The following FER1L6 variants were observed in gnomAD, a reference collection of about 807,000 sequenced individuals.
FER1L6 encodes the protein fer-1-like protein 6.
Under a neutral mutation model 219.2 loss-of-function variants are expected in FER1L6, and 177 were observed. That is an observed-to-expected ratio of 0.81 (90% CI 0.71 to 0.91). The LOEUF (loss-of-function observed/expected upper bound fraction) is 0.91. FER1L6 is among the 40% of genes least tolerant of loss of function. The pLI is 0.00. For synonymous variants in FER1L6, 768 were observed against 824.3 expected (o/e 0.93, Z 1.17); for missense variants, 2,153 against 2,259.9 (o/e 0.95, Z 0.96).
intron 35 of FER1L6, among the ~76,000 whole-genome samples, chr8:124,096,045 G>C (rs1822269873): frequency 6.6e-6 from 1 of 152,124 alleles, no homozygotes; most frequent in Non-Finnish European, 1.5e-5. Flanking sequence ...GATTATAATG[G>C]GTCAGAAACA....
At chr8:124,113,975 A>C (rs762674699) in intron 39 of FER1L6, among the ~76,000 whole-genome samples, 15 of 152,214 alleles carry the variant, frequency 9.9e-5, no homozygotes, top group Non-Finnish European at 2.1e-4. Context: ...CCGTTAGCAA[A>C]GGGTAACGTG....
At chr8:123,973,593 C>T in intron 7 of FER1L6, 81 bp downstream of exon 7, 2 of 997,612 alleles carry the variant, frequency 2.0e-6, no homozygotes, top group Non-Finnish European at 3.2e-6. Context: ...CATTCACTCA[C>T]CTGTGTGACC....
intron 1 of FER1L6, among the ~76,000 whole-genome samples, chr8:123,893,312 GAT>G (rs1812683729): frequency 6.6e-6 from 1 of 152,076 alleles, no homozygotes; most frequent in South Asian, 2.1e-4. Context: ...TTAAAAGACT[GAT>G]ATGTTTACAA....
intron 27 of FER1L6, among the ~76,000 whole-genome samples, chr8:124,067,118 C>G (rs187593289): frequency 6.6e-6 from 1 of 151,948 alleles, no homozygotes; most frequent in Non-Finnish European, 1.5e-5. Context: ...GGCAAAAGCT[C>G]GGCAACTGGA....
At chr8:123,975,487 C>T (rs186052384) in intron 8 of FER1L6, among the ~76,000 whole-genome samples, 181 bp downstream of exon 8, 15 of 152,266 alleles carry the variant, frequency 9.9e-5, no homozygotes, top group Admixed American at 2.6e-4. Context: ...CTCTCCTTCA[C>T]GAGGTCAGGT....
intron 16 of FER1L6, among the ~76,000 whole-genome samples, chr8:124,019,308 C>G (rs1183673391): frequency 2.6e-5 from 4 of 152,154 alleles, no homozygotes; most frequent in Non-Finnish European, 5.9e-5. Context: ...CTGATGAATT[C>G]TATTCACATT....
At chr8:124,021,448 C>T (rs568930701) in intron 16 of FER1L6, 102 bp from the exon 17 acceptor site, 2 of 1,474,948 alleles carry the variant, frequency 1.4e-6, no homozygotes, top group South Asian at 2.5e-5. Flanking sequence ...GTGAGTGACT[C>T]AGTGTGGAGC....
intron 17 of FER1L6, among the ~76,000 whole-genome samples, chr8:124,022,447 A>G (rs1429041502): frequency 6.6e-6 from 1 of 152,214 alleles, no homozygotes; most frequent in Non-Finnish European, 1.5e-5. Context: ...TTGTTCAGAA[A>G]TGTGAATTTC....
chr8:123,966,610 C>T (rs938501574), intron 5 of FER1L6, among the ~76,000 whole-genome samples: 3 of 152,052 alleles, frequency 2.0e-5, no homozygotes, highest in Non-Finnish European at 4.4e-5. Flanking sequence ...GATTGAATGT[C>T]GGTTAGGGAG....
At chr8:124,061,436 C>T (rs568367397) in intron 24 of FER1L6, among the ~76,000 whole-genome samples, 131 of 152,044 alleles carry the variant, frequency 8.6e-4, no homozygotes, top group Non-Finnish European at 1.6e-3. Flanking sequence ...TCGGGGGCCA[C>T]CAGGGAAAAC....
At chr8:123,874,542 C>T (rs946572763) in intron 1 of FER1L6, among the ~76,000 whole-genome samples, 1 of 152,214 alleles carries the variant, frequency 6.6e-6, no homozygotes, top group Non-Finnish European at 1.5e-5. Context: ...AAAGAGCTTT[C>T]ACATGCTTCA....
chr8:124,114,355 T>C (rs997985044), intron 39 of FER1L6, among the ~76,000 whole-genome samples: 1 of 152,198 alleles, frequency 6.6e-6, no homozygotes. Flanking sequence ...GTTATCACTA[T>C]AGATTCATGG....
chr8:123,886,633 G>C (rs1254732924), intron 1 of FER1L6, among the ~76,000 whole-genome samples: 1 of 152,160 alleles, frequency 6.6e-6, no homozygotes, highest in African/African-American at 2.4e-5. Context: ...TCTAAGACCT[G>C]GGTGATCATA....
chr8:123,989,043 T>C (rs1335315797), intron 12 of FER1L6, among the ~76,000 whole-genome samples: 2 of 152,080 alleles, frequency 1.3e-5, no homozygotes, highest in African/African-American at 4.8e-5. Context: ...CATGAACGGA[T>C]GTTAAATTTT....
At chr8:124,012,834 T>C (rs1349448350) in intron 14 of FER1L6, among the ~76,000 whole-genome samples, 4 of 152,232 alleles carry the variant, frequency 2.6e-5, no homozygotes, top group Non-Finnish European at 4.4e-5. Flanking sequence ...ACACATATAC[T>C]TCCCCTTAGG....
chr8:123,894,153 C>T (rs970706097), intron 1 of FER1L6, among the ~76,000 whole-genome samples: 4 of 152,118 alleles, frequency 2.6e-5, no homozygotes, highest in Non-Finnish European at 5.9e-5. Context: ...CAATGAGATA[C>T]CAGGCCTCTC....
Position 124,097,232 on chromosome 8 carries a change from C to T in FER1L6, c.4696-39C>T, listed in dbSNP as rs1474476910. On this transcript the variant is annotated intron_variant, in intron 35 of 40. Coordinates refer to ENST00000522917, the MANE Select transcript of FER1L6 (RefSeq NM_001039112.2). ...ATCAATTACCCATGTCCCCTAGCCC[C>T]CTCCCAAAGCTAAAGAAGATATTTT... 4.7e-6 allele frequency: 7 copies of T among 1,499,154 alleles called. No individual in the cohort carries two copies. The South Asian group carries it at 5.7e-5, about 12-fold the overall frequency. 92.9% of individuals were successfully genotyped at this position (1,499,154 alleles called of 1,614,324 possible). A position where few individuals can be genotyped will look rare whatever the true frequency, so the allele number is the denominator to read the frequency against.
rs1823402101 is a variant in FER1L6, at chr8:124,119,670, G to A, written c.5454G>A (p.Trp1818Ter). The change falls in exon 41 of 41, where the codon TGG becomes TGA. Residue 1818 changes from tryptophan (W) to a stop codon, truncating the protein, a stop_gained. Transcript: ENST00000522917. LOFTEE classifies it high-confidence loss of function. ...SPFKCLYYLI[W>*]KNYKKYIIIA... ...TTAAGTGCCTGTACTACCTCATCTG[G>A]AAGAATTACAAAAAGTACATCATCA... The A allele has an allele frequency of 1.9e-6, 3 of 1,613,544 alleles. No individual in the cohort carries two copies. Among genetic ancestry groups the A allele is most frequent in the Admixed American group, 1.7e-5 (1 of 59,976 alleles).
chr8:123,952,712 T>G (rs932026852), intron 1 of FER1L6, among the ~76,000 whole-genome samples: 3 of 152,154 alleles, frequency 2.0e-5, no homozygotes, highest in African/African-American at 7.2e-5. Context: ...TGAAATCCCC[T>G]TATTTGTCAG....
Sources: allele counts gnomAD v4.1 joint callset (sites outside exome capture counted in the v4.1 genomes callset), GRCh38; gene constraint gnomAD v4.1.1; transcripts MANE v1.5; gene names NCBI Gene and HGNC (gene_info 2026-07-23, HGNC 2026-07-21).